The following BICD1 variants were observed in gnomAD, a reference collection of about 807,000 sequenced individuals.
BICD1 encodes the protein protein bicaudal D homolog 1.
A neutral mutation model predicts 92.5 loss-of-function variants in BICD1; 35 were observed. That is an observed-to-expected ratio of 0.38 (90% CI 0.29 to 0.50). BICD1 has a LOEUF of 0.50. Ranked by LOEUF, BICD1 falls within the 20% of genes least tolerant of loss-of-function variation. BICD1 has a pLI of 0.93. For missense variants in BICD1, 950 were observed against 1,189.8 expected, an observed-to-expected ratio of 0.80 and a Z score of 2.97; for synonymous variants, 429 against 465.1, an observed-to-expected ratio of 0.92 and a Z score of 1.00.
At chr12:32,345,819 AT>A (rs1938542956) in intron 8 of BICD1, among the ~76,000 whole-genome samples, 2 of 152,226 alleles carry the variant, frequency 1.3e-5, no homozygotes, top group Non-Finnish European at 2.9e-5. Context: ...ATATATGTAA[AT>A]TTAAATTCTC....
intron 1 of BICD1, among the ~76,000 whole-genome samples, chr12:32,183,803 A>T (rs1015967535): frequency 2.0e-5 from 3 of 152,224 alleles, no homozygotes; most frequent in Non-Finnish European, 4.4e-5. Flanking sequence ...TGTGAGTAAC[A>T]TCTGAACCCT....
intron 1 of BICD1, among the ~76,000 whole-genome samples, chr12:32,199,978 C>T (rs944555150): frequency 6.6e-6 from 1 of 152,148 alleles, no homozygotes; most frequent in Admixed American, 6.5e-5. Context: ...TGTATAAGGG[C>T]ACTGGCTTTT....
chr12:32,217,425 A>G (rs1297732387), intron 2 of BICD1, among the ~76,000 whole-genome samples: 1 of 152,212 alleles, frequency 6.6e-6, no homozygotes, highest in Non-Finnish European at 1.5e-5. Flanking sequence ...CTATTATAAG[A>G]TATAAGTTGT....
intron 2 of BICD1, among the ~76,000 whole-genome samples, chr12:32,284,028 T>G (rs1448337879): frequency 1.3e-5 from 2 of 152,252 alleles, no homozygotes; most frequent in Non-Finnish European, 2.9e-5. Context: ...CCCGAAACTT[T>G]CCTTAACTAC....
intron 2 of BICD1, among the ~76,000 whole-genome samples, chr12:32,220,502 A>G (rs1380120300): frequency 6.6e-6 from 1 of 151,784 alleles, no homozygotes; most frequent in East Asian, 1.9e-4. Flanking sequence ...AATGCTCACC[A>G]TCACTGGCCA....
Position 32,337,797 on chromosome 12 carries a change from A to G in BICD1, c.2551A>G (p.Ser851Gly). 6.2e-7 allele frequency: 1 copy of G among 1,614,204 alleles called. No homozygotes were observed. Among genetic ancestry groups the G allele is most frequent in the Non-Finnish European group, 8.5e-7 (1 of 1,180,026 alleles). ...GPQTPNIRVSSGTQRKRQFSP... is the reference protein window; with the variant it reads ...GPQTPNIRVSGGTQRKRQFSP... ...ACAGACACCCAACATTCGGGTCAGCAGTGGCACTCAGAGGAAAAGGTATGC... is the reference window on the plus strand; with the variant it reads ...ACAGACACCCAACATTCGGGTCAGCGGTGGCACTCAGAGGAAAAGGTATGC... Residue 851 changes from serine (S) to glycine (G), a missense_variant, in exon 7 of 10, where the codon AGT (serine) becomes GGT (glycine). Transcript: ENST00000652176. This position sits in a 1 kb window ranked among gnomAD's most constrained non-coding sequence, Gnocchi z 4.7.
chr12:32,230,892 T>G (rs1305468707), intron 2 of BICD1, among the ~76,000 whole-genome samples: 1 of 152,192 alleles, frequency 6.6e-6, no homozygotes, highest in African/African-American at 2.4e-5. Flanking sequence ...ACTGCTGTCA[T>G]CCCATCTGCT....
At chr12:32,306,788 G>A (rs1419998001) in intron 4 of BICD1, among the ~76,000 whole-genome samples, 1 of 151,740 alleles carries the variant, frequency 6.6e-6, no homozygotes, top group African/African-American at 2.4e-5. Context: ...GCTGAAGCGG[G>A]CGGATCACCT....
intron 1 of BICD1, among the ~76,000 whole-genome samples, chr12:32,144,332 C>T (rs991428493): frequency 6.6e-6 from 1 of 152,018 alleles, no homozygotes; most frequent in African/African-American, 2.4e-5. Context: ...TTATTCTTTC[C>T]AGGGTGAATA....
At chr12:32,235,367 T>C (rs1459231371) in intron 2 of BICD1, among the ~76,000 whole-genome samples, 2 of 152,196 alleles carry the variant, frequency 1.3e-5, no homozygotes, top group Non-Finnish European at 2.9e-5. Context: ...AATAAAAATC[T>C]TGTATCATCT....
At chr12:32,207,382 C>G (rs1945090094) in intron 1 of BICD1, among the ~76,000 whole-genome samples, 6 of 151,966 alleles carry the variant, frequency 3.9e-5, no homozygotes, top group Non-Finnish European at 8.8e-5. Flanking sequence ...CTTAGAAAAA[C>G]TTGGGGTATT....
intron 1 of BICD1, among the ~76,000 whole-genome samples, chr12:32,131,435 A>T (rs1016078567): frequency 6.6e-6 from 1 of 152,208 alleles, no homozygotes; most frequent in Non-Finnish European, 1.5e-5. Flanking sequence ...TGGTCCTACC[A>T]TAGCTTTACT....
intron 1 of BICD1, among the ~76,000 whole-genome samples, chr12:32,159,487 A>C (rs1160553846): frequency 1.3e-5 from 2 of 152,164 alleles, no homozygotes. Context: ...GCATCACTAT[A>C]ATAGCATGGT....
rs373702037 is a variant in BICD1 at position 32,296,246 on chromosome 12, G to GTTT, written c.579+2107_579+2109dup. Among the ~76,000 whole-genome samples, 98 of 108,658 alleles carry GTTT rather than the reference G, an allele frequency of 9.0e-4. 4 individuals are homozygous for GTTT. Among genetic ancestry groups the GTTT allele is most frequent in the Middle Eastern group, 5.7e-3 (1 of 174 alleles). The allele number at this position is 108,658 out of a possible 152,430, so 71.3% of individuals were successfully genotyped here. The stretch of plus-strand genomic sequence containing the variant: ...CGAATACTTTTTAAAATAAGAAGGG[G>GTTT]TTTTTTTTTGTTTTTTTTTTTTTTT... On this transcript the variant is annotated intron_variant, in intron 3 of 9. Transcript: ENST00000652176.
intron 2 of BICD1, among the ~76,000 whole-genome samples, chr12:32,283,656 G>A (rs1465770974): frequency 6.6e-6 from 1 of 152,218 alleles, no homozygotes; most frequent in East Asian, 1.9e-4. Context: ...AGGTGGAAGA[G>A]CGAGTGGTTT....
intron 4 of BICD1, among the ~76,000 whole-genome samples, chr12:32,306,356 G>A (rs1382476251): frequency 6.6e-6 from 1 of 152,030 alleles, no homozygotes; most frequent in Non-Finnish European, 1.5e-5. Flanking sequence ...TGATTCTCCT[G>A]CCTCAGCCTC....
chr12:32,157,464 T>G (rs560283720), intron 1 of BICD1, among the ~76,000 whole-genome samples: 1 of 152,308 alleles, frequency 6.6e-6, no homozygotes, highest in Admixed American at 6.5e-5. Flanking sequence ...TTCAGACACA[T>G]TCCTAAAGAT....
intron 2 of BICD1, among the ~76,000 whole-genome samples, chr12:32,221,550 G>C (rs1007458597): frequency 6.6e-6 from 1 of 151,676 alleles, no homozygotes. Flanking sequence ...TGGGTGTGGT[G>C]GTGGGTGCCT....
At chr12:32,125,142 T>TGCGTGG (rs1364143356) in intron 1 of BICD1, among the ~76,000 whole-genome samples, 1 of 137,198 alleles carries the variant, frequency 7.3e-6, no homozygotes, top group Admixed American at 8.5e-5. Context: ...GGGCACCCAC[T>TGCGTGG]GTCCTCTGCG....
Sources: gnomAD v4.1 joint callset for allele counts (sites outside exome capture counted in the v4.1 genomes callset) on GRCh38, gnomAD v4.1.1 for gene constraint, Gnocchi (gnomAD v3.1) non-coding constraint, MANE v1.5 for transcripts, NCBI Gene and HGNC (gene_info 2026-07-23, HGNC 2026-07-21) for gene names.